The following CPQ variants were observed in gnomAD, a reference collection of about 807,000 sequenced individuals.
The protein encoded by CPQ is carboxypeptidase Q.
In CPQ, 37 loss-of-function variants were observed where a neutral mutation model predicts 45.7. The observed-to-expected ratio is 0.81, with a 90% CI of 0.62 to 1.07. The LOEUF is 1.07. Ranked by LOEUF, CPQ falls within the 50% of genes least tolerant of loss-of-function variation. CPQ has a pLI of 0.00. For synonymous variants in CPQ, 186 were observed against 205.8 expected, an observed-to-expected ratio of 0.90 and a Z score of 0.82; for missense variants, 537 against 572.9, an observed-to-expected ratio of 0.94 and a Z score of 0.64.
At chr8:96,829,458 G>A (rs554963699) in intron 2 of CPQ, among the ~76,000 whole-genome samples, 8 of 152,092 alleles carry the variant, frequency 5.3e-5, no homozygotes, top group Admixed American at 6.5e-5. Flanking sequence ...TTTCTTCCTG[G>A]AATTCACAGA....
intron 6 of CPQ, among the ~76,000 whole-genome samples, chr8:97,031,830 G>A (rs996184380): frequency 2.0e-5 from 3 of 152,036 alleles, no homozygotes; most frequent in African/African-American, 7.2e-5. Flanking sequence ...TTCCAGAAAG[G>A]GAAAACATTG....
chr8:96,866,006 T>C (rs1334464825), intron 3 of CPQ, among the ~76,000 whole-genome samples: 1 of 152,010 alleles, frequency 6.6e-6, no homozygotes, highest in Non-Finnish European at 1.5e-5. Flanking sequence ...TTTGGAAAGA[T>C]GAAATGGTTG....
At chr8:96,776,220 G>A (rs1211847889) in intron 1 of CPQ, among the ~76,000 whole-genome samples, 1 of 152,186 alleles carries the variant, frequency 6.6e-6, no homozygotes, top group Admixed American at 6.5e-5. Flanking sequence ...GTAAATCCAG[G>A]AATATTGTCA....
At chr8:96,908,777 A>ACACACACACACACACC (rs147900019) in intron 4 of CPQ, among the ~76,000 whole-genome samples, 2,393 of 150,174 alleles carry the variant, frequency 0.016, 26 homozygotes, top group Non-Finnish European at 0.025. Flanking sequence ...ACACACACAC[A>ACACACACACACACACC]CCATATATTC....
At chr8:96,716,531 T>C (rs1318723955) in intron 1 of CPQ, among the ~76,000 whole-genome samples, 1 of 152,148 alleles carries the variant, frequency 6.6e-6, no homozygotes, top group Non-Finnish European at 1.5e-5. Context: ...CTCTTAGGCC[T>C]TTGCATCCTC....
chr8:97,059,354 G>A (rs896162047), intron 6 of CPQ, among the ~76,000 whole-genome samples: 5 of 152,090 alleles, frequency 3.3e-5, no homozygotes, highest in East Asian at 1.9e-4. Context: ...TAGGTTTCCC[G>A]CTCTGTCTGC....
rs536526686 is a variant in CPQ at position 97,022,831 on chromosome 8, A to G, written c.962-6572A>G. Reference sequence around the variant, plus strand: ...TGGAAAACAGTGGGGAGATTCCTTAAAGAACTAAAAGTAGAACTACCATTT... The same window carrying G: ...TGGAAAACAGTGGGGAGATTCCTTAGAGAACTAAAAGTAGAACTACCATTT... On this transcript the variant is annotated intron_variant, in intron 5 of 7. Coordinates refer to ENST00000220763, the MANE Select transcript of CPQ (RefSeq NM_016134.4). 2.0e-5 allele frequency among the ~76,000 whole-genome samples: 3 copies of G among 151,944 alleles called. No individual in the cohort carries two copies. The East Asian group carries it at 5.8e-4, about 30-fold the overall frequency.
chr8:96,651,201 G>A (rs1815572479), intron 1 of CPQ, among the ~76,000 whole-genome samples: 1 of 152,188 alleles, frequency 6.6e-6, no homozygotes, highest in South Asian at 2.1e-4. Flanking sequence ...GCCATTGGAT[G>A]GGGCAAAACT....
At chr8:96,910,637 T>G (rs554861036) in intron 4 of CPQ, among the ~76,000 whole-genome samples, 101 of 152,248 alleles carry the variant, frequency 6.6e-4, no homozygotes, top group African/African-American at 2.4e-3. Flanking sequence ...CCTGAGTAGC[T>G]GGGACTACAG....
intron 1 of CPQ, among the ~76,000 whole-genome samples, chr8:96,756,910 C>A (rs1227712959): frequency 6.6e-6 from 1 of 152,134 alleles, no homozygotes; most frequent in African/African-American, 2.4e-5. Context: ...TCTTTTTCCT[C>A]CCCTTCAGGA....
chr8:96,979,615 C>A (rs186843998), intron 5 of CPQ, among the ~76,000 whole-genome samples: 59 of 152,186 alleles, frequency 3.9e-4, no homozygotes, highest in African/African-American at 1.4e-3. Context: ...CAGAAGTCTG[C>A]AAAAAATAAG....
intron 2 of CPQ, among the ~76,000 whole-genome samples, chr8:96,794,868 A>T (rs1810905811): frequency 6.6e-6 from 1 of 152,036 alleles, no homozygotes; most frequent in African/African-American, 2.4e-5. Context: ...CCTTTGCTCC[A>T]TTTCCCAACA....
At chr8:96,779,063 CAA>C (rs561557208) in intron 1 of CPQ, among the ~76,000 whole-genome samples, 53 of 56,964 alleles carry the variant, frequency 9.3e-4, no homozygotes, top group African/African-American at 2.5e-3. Flanking sequence ...ACTCCATCTC[CAA>C]AAAAAAAAAA....
At chr8:96,683,498 G>C (rs1485852413) in intron 1 of CPQ, among the ~76,000 whole-genome samples, 3 of 152,020 alleles carry the variant, frequency 2.0e-5, no homozygotes, top group African/African-American at 7.2e-5. Flanking sequence ...ATGTAATTTA[G>C]AGAAGACCTT....
At chr8:97,026,892 C>T (rs1011291229) in intron 5 of CPQ, among the ~76,000 whole-genome samples, 4 of 152,198 alleles carry the variant, frequency 2.6e-5, no homozygotes, top group African/African-American at 9.6e-5. Flanking sequence ...TACGGATATT[C>T]AGAGCATTTG....
chr8:96,978,604 C>A (rs1443154295), intron 5 of CPQ, among the ~76,000 whole-genome samples: 2 of 152,132 alleles, frequency 1.3e-5, no homozygotes, highest in Non-Finnish European at 2.9e-5. Flanking sequence ...GAGAGGGCCC[C>A]CTTTTCTACA....
intron 4 of CPQ, among the ~76,000 whole-genome samples, chr8:96,916,424 TA>T (rs1812733688): frequency 6.6e-6 from 1 of 152,178 alleles, no homozygotes; most frequent in South Asian, 2.1e-4. Flanking sequence ...TGTGTGAGTT[TA>T]AAATGGAGAG....
chr8:96,855,469 C>A (rs187215943), intron 3 of CPQ, among the ~76,000 whole-genome samples: 1 of 152,188 alleles, frequency 6.6e-6, no homozygotes, highest in Non-Finnish European at 1.5e-5. Context: ...GGGGGATTAG[C>A]TTCCAAACTA....
At chr8:96,875,640 C>T (rs1428969798) in intron 3 of CPQ, among the ~76,000 whole-genome samples, 1 of 151,822 alleles carries the variant, frequency 6.6e-6, no homozygotes, top group Admixed American at 6.6e-5. Flanking sequence ...CTCAATTCTA[C>T]TCTATTGGTT....
Sources: allele counts gnomAD v4.1 joint callset (sites outside exome capture counted in the v4.1 genomes callset), GRCh38; gene constraint gnomAD v4.1.1; transcripts MANE v1.5; gene names NCBI Gene and HGNC (gene_info 2026-07-23, HGNC 2026-07-21).